The following EGFR variants were observed in gnomAD, a reference collection of about 807,000 sequenced individuals.
EGFR encodes avian erythroblastic leukemia viral (v-erb-b) oncogene homolog.
In EGFR, 58 loss-of-function variants were observed where a neutral mutation model predicts 143.0. The observed-to-expected ratio is 0.41, with a 90% CI of 0.33 to 0.50. EGFR has a LOEUF of 0.50. Among genes scored for constraint, EGFR ranks in the 20% least tolerant of loss-of-function variants. The pLI is 0.39. For missense variants in EGFR, 1,307 were observed against 1,579.0 expected, an observed-to-expected ratio of 0.83 and a Z score of 2.92; for synonymous variants, 613 against 594.4, an observed-to-expected ratio of 1.03 and a Z score of -0.45.
At chr7:55,049,473 G>C (rs188802082) in intron 1 of EGFR, among the ~76,000 whole-genome samples, 1 of 152,312 alleles carries the variant, frequency 6.6e-6, no homozygotes, top group Non-Finnish European at 1.5e-5. Flanking sequence ...ACCAGTGCTT[G>C]TATCAGCCCT....
Position 55,095,175 on chromosome 7 carries a change from G to A in EGFR, c.89-47111G>A, listed in dbSNP as rs17336101. ...AAAAGCTGGAAAAGCTGCAGGTCCCGCAAGACACAGAGCAACCCTGCAAGC... is the reference window on the plus strand; with the variant it reads ...AAAAGCTGGAAAAGCTGCAGGTCCCACAAGACACAGAGCAACCCTGCAAGC... On this transcript the variant is annotated intron_variant, in intron 1 of 27. Coordinates refer to ENST00000275493, the MANE Select transcript of EGFR (RefSeq NM_005228.5). Among the ~76,000 whole-genome samples the A allele has an allele frequency of 8.9e-3, 1,351 of 152,260 alleles. 14 individuals carry two copies. Among genetic ancestry groups the A allele is most frequent in the African/African-American group, 0.031 (1,284 of 41,552 alleles).
At chr7:55,020,218 C>T (rs1225374063) in intron 1 of EGFR, among the ~76,000 whole-genome samples, 4 of 152,240 alleles carry the variant, frequency 2.6e-5, no homozygotes, top group Admixed American at 2.0e-4. Flanking sequence ...TGCCCCCCAC[C>T]TCCCGGGGAC....
intron 1 of EGFR, among the ~76,000 whole-genome samples, chr7:55,116,592 C>T (rs892232367): frequency 1.3e-5 from 2 of 152,008 alleles, no homozygotes; most frequent in Admixed American, 1.3e-4. Context: ...ATATCACAAA[C>T]CAATTAGCCC....
rs2128975823 is a variant in EGFR at position 55,205,694 on chromosome 7, C to G, written c.*77C>G. ...ACCAAGCCACAGCAGGTCCTCCATCCCAACAGCCATGCCCGCATTAGCTCT... is the reference window on the plus strand; with the variant it reads ...ACCAAGCCACAGCAGGTCCTCCATCGCAACAGCCATGCCCGCATTAGCTCT... On this transcript the variant is annotated 3_prime_UTR_variant, in exon 28 of 28. Transcript: ENST00000275493. The G allele has an allele frequency of 6.2e-7, 1 of 1,609,502 alleles. No homozygotes were observed. The highest frequency in any genetic ancestry group is 8.5e-7 in the Non-Finnish European group (1 of 1,177,890).
At chr7:55,175,080 C>A (rs1173182641) in intron 19 of EGFR, among the ~76,000 whole-genome samples, 2 of 152,226 alleles carry the variant, frequency 1.3e-5, no homozygotes, top group Non-Finnish European at 2.9e-5. Context: ...AGTTTCTTGA[C>A]ACGCATGATG....
Position 55,206,490 on chromosome 7 carries a change from T to G in EGFR, c.*873T>G. 1 of 233,294 alleles carries G rather than the reference T, an allele frequency of 4.3e-6. No individual in the cohort carries two copies. Among genetic ancestry groups the G allele is most frequent in the Admixed American group, 5.6e-5 (1 of 17,798 alleles). 14.5% of individuals were successfully genotyped at this position (233,294 alleles called of 1,614,324 possible). A position where few individuals can be genotyped will look rare whatever the true frequency, so the allele number is the denominator to read the frequency against. On this transcript the variant is annotated 3_prime_UTR_variant, in exon 28 of 28. Transcript: ENST00000275493. ...TTGGATTCATCAGCATTTGGACCAA[T>G]AGCCCACAGCTGAGAATGTGGAATA...
At chr7:55,139,929 G>T (rs938937128) in intron 1 of EGFR, among the ~76,000 whole-genome samples, 15 of 152,092 alleles carry the variant, frequency 9.9e-5, no homozygotes, top group African/African-American at 3.1e-4. Flanking sequence ...GAATATAAAA[G>T]TTATACATGC....
At position 55,121,389 on chromosome 7, in the gene EGFR, C is replaced by T. The variant is rs367661953; in HGVS notation, c.89-20897C>T. On this transcript the variant is annotated intron_variant, in intron 1 of 27. Transcript: ENST00000275493. ...CGTGCCTCTGGCAGATATCATATGGCGTTTCAGTGGCATTGTGTGTTACCC... is the reference window on the plus strand; with the variant it reads ...CGTGCCTCTGGCAGATATCATATGGTGTTTCAGTGGCATTGTGTGTTACCC... Among the ~76,000 whole-genome samples the T allele has an allele frequency of 1.1e-3, 167 of 152,306 alleles. 2 individuals carry two copies. In the South Asian group the frequency reaches 0.033, roughly 30 times the overall value.
At chr7:55,158,371 C>G (rs1230692570) in intron 11 of EGFR, among the ~76,000 whole-genome samples, 1 of 152,156 alleles carries the variant, frequency 6.6e-6, no homozygotes, top group African/African-American at 2.4e-5. Flanking sequence ...GAAGCAGCCT[C>G]GTTATGAGAA....
At chr7:55,038,008 G>T (rs1562658733) in intron 1 of EGFR, among the ~76,000 whole-genome samples, 1 of 152,190 alleles carries the variant, frequency 6.6e-6, no homozygotes, top group Non-Finnish European at 1.5e-5. Context: ...AGTTAGTTGT[G>T]TACTCTGGGC....
chr7:55,034,103 C>T (rs1202643080), intron 1 of EGFR, among the ~76,000 whole-genome samples: 1 of 152,136 alleles, frequency 6.6e-6, no homozygotes, highest in East Asian at 1.9e-4. Context: ...GTGCCTGGAC[C>T]ATCTTGTGAG....
intron 12 of EGFR, 143 bp from the exon 13 acceptor site, chr7:55,161,356 T>G: frequency 8.4e-7 from 1 of 1,184,650 alleles, no homozygotes. Context: ...CCAGTCTGTG[T>G]CCTCCTCCTT....
chr7:55,030,688 G>A (rs1787197155), intron 1 of EGFR, among the ~76,000 whole-genome samples: 1 of 152,184 alleles, frequency 6.6e-6, no homozygotes, highest in African/African-American at 2.4e-5. Context: ...TTTAAATGAA[G>A]GCATACACTT....
At chr7:55,100,141 C>G (rs1319854219) in intron 1 of EGFR, among the ~76,000 whole-genome samples, 1 of 152,218 alleles carries the variant, frequency 6.6e-6, no homozygotes, top group East Asian at 1.9e-4. Flanking sequence ...GGTGGCTTTG[C>G]CTTTCAGCAC....
chr7:55,102,874 G>A (rs1791909133), intron 1 of EGFR, among the ~76,000 whole-genome samples: 1 of 152,202 alleles, frequency 6.6e-6, no homozygotes, highest in Non-Finnish European at 1.5e-5. Context: ...TTTGTTTAAA[G>A]CATGGAGGAG....
At chr7:55,138,599 T>C (rs551685961) in intron 1 of EGFR, among the ~76,000 whole-genome samples, 3 of 152,296 alleles carry the variant, frequency 2.0e-5, no homozygotes, top group East Asian at 3.9e-4. Context: ...TAAGACAATA[T>C]AGAGTGGCTG....
rs1367351004 is a variant in EGFR at position 55,209,947 on chromosome 7, G to T, written c.*4330G>T. The T allele has an allele frequency of 1.3e-5, 2 of 152,188 alleles. No individual in the cohort carries two copies. Among genetic ancestry groups the T allele is most frequent in the Non-Finnish European group, 2.9e-5 (2 of 68,032 alleles). 9.4% of individuals were successfully genotyped at this position (152,188 alleles called of 1,614,324 possible). A position where few individuals can be genotyped will look rare whatever the true frequency, so the allele number is the denominator to read the frequency against. ...AAGCCCTTTCTCTCTCTTATAAAAA[G>T]GCACAACCTCATTGGGGAGCTAAGC... On this transcript the variant is annotated 3_prime_UTR_variant, in exon 28 of 28. Coordinates refer to ENST00000275493, the MANE Select transcript of EGFR (RefSeq NM_005228.5).
At chr7:55,064,574 G>T (rs1209217020) in intron 1 of EGFR, among the ~76,000 whole-genome samples, 2 of 152,028 alleles carry the variant, frequency 1.3e-5, no homozygotes, top group Admixed American at 1.3e-4. Context: ...TTTCTCTTTG[G>T]TTCTTCAAAC....
intron 1 of EGFR, among the ~76,000 whole-genome samples, chr7:55,055,008 G>C (rs1305628972): frequency 6.6e-6 from 1 of 152,154 alleles, no homozygotes. Context: ...GTTCACAGCG[G>C]CACCTGAGTC....
Sources: gnomAD v4.1 joint callset for allele counts (sites outside exome capture counted in the v4.1 genomes callset) on GRCh38, gnomAD v4.1.1 for gene constraint, MANE v1.5 for transcripts, NCBI Gene and HGNC (gene_info 2026-07-23, HGNC 2026-07-21) for gene names.